The following ADAM12 variants were observed in gnomAD, a reference collection of about 807,000 sequenced individuals.
ADAM12 encodes the protein ADAM metallopeptidase domain 12, also known as disintegrin and metalloproteinase domain-containing protein 12.
Under a neutral mutation model 106.4 loss-of-function variants are expected in ADAM12, and 70 were observed. The observed-to-expected ratio is 0.66, with a 90% CI of 0.54 to 0.80. The LOEUF (loss-of-function observed/expected upper bound fraction) is 0.80, where lower values mean the gene tolerates loss of function less well. Ranked by LOEUF, ADAM12 falls within the 30% of genes least tolerant of loss-of-function variation. ADAM12 has a pLI of 0.00. For synonymous variants in ADAM12, 420 were observed against 433.5 expected (o/e 0.97, Z 0.39); for missense variants, 1,010 against 1,171.9 (o/e 0.86, Z 2.02).
At position 126,274,025 on chromosome 10, in the gene ADAM12, T is replaced by C. The variant is rs1005714075; in HGVS notation, c.260+4890A>G. 1.2e-4 allele frequency among the ~76,000 whole-genome samples: 19 copies of C among 152,150 alleles called. 1 individual carries two copies. The highest frequency in any genetic ancestry group is 3.9e-4 in the Admixed American group (6 of 15,280). ...GTTCCTTTCTGGAAGGTTTTCTCCT[T>C]GAATTGTTTCTCACCCCACCCAAGT... On this transcript the variant is annotated intron_variant, in intron 3 of 22. Coordinates refer to ENST00000448723, the MANE Select transcript of ADAM12 (RefSeq NM_001288973.2).
At chr10:126,306,841 G>C (rs1012091438) in intron 2 of ADAM12, among the ~76,000 whole-genome samples, 3 of 152,122 alleles carry the variant, frequency 2.0e-5, no homozygotes, top group African/African-American at 7.2e-5. Flanking sequence ...CTCAGATGAA[G>C]TTTTCTTTGC....
At chr10:126,118,862 A>G (rs1278395) in intron 5 of ADAM12, among the ~76,000 whole-genome samples, 101,176 of 151,990 alleles carry the variant, frequency 0.67, 34,552 homozygotes, top group African/African-American at 0.83. Context: ...AAAATGCCAT[A>G]TTTGTTTTTC....
At chr10:126,045,311 G>A (rs986011772) in intron 17 of ADAM12, among the ~76,000 whole-genome samples, 1 of 152,182 alleles carries the variant, frequency 6.6e-6, no homozygotes, top group Non-Finnish European at 1.5e-5. Flanking sequence ...ACCCCCATCT[G>A]AGGTGACACT....
chr10:126,289,636 A>G (rs1411227949), intron 2 of ADAM12, among the ~76,000 whole-genome samples: 1 of 152,216 alleles, frequency 6.6e-6, no homozygotes, highest in African/African-American at 2.4e-5. Flanking sequence ...TTGAAAGTTT[A>G]TGGAGATGCA....
In ADAM12 at chr10:126,064,865, T is replaced by C. The variant is rs1246333005; in HGVS notation, c.1550A>G (p.Tyr517Cys). ...AGTCTGGCAGATGCCATTGTAGCAG[T>C]AGCCGTCCACATCCTGACATGAGTG... ...DGHSCQDVDG[Y>C]CYNGICQTHE... The change falls in exon 14 of 23, where the codon TAC becomes TGC. Residue 517 changes from tyrosine to cysteine, a missense_variant. By Grantham distance (194) the Tyr-to-Cys change is radical. Transcript: ENST00000448723. The surrounding 1 kb of genome is among the most constrained non-coding windows in gnomAD (Gnocchi z 4.4). 6.2e-7 allele frequency: 1 copy of C among 1,612,532 alleles called. No individual in the cohort carries two copies.
At chr10:126,173,530 C>T (rs10901546) in intron 3 of ADAM12, among the ~76,000 whole-genome samples, 20,764 of 152,170 alleles carry the variant, frequency 0.14, 1,609 homozygotes, top group East Asian at 0.34. Context: ...TCCCCAGACA[C>T]AGCCAACTGT....
intron 3 of ADAM12, among the ~76,000 whole-genome samples, chr10:126,201,154 G>A (rs999013092): frequency 6.6e-6 from 1 of 152,190 alleles, no homozygotes; most frequent in Non-Finnish European, 1.5e-5. Flanking sequence ...CATGATGTGT[G>A]CCGTGGGTTG....
At chr10:126,339,115 A>C (rs1022354300) in intron 1 of ADAM12, among the ~76,000 whole-genome samples, 4 of 152,080 alleles carry the variant, frequency 2.6e-5, no homozygotes, top group African/African-American at 7.2e-5. Flanking sequence ...ACATTCCCCA[A>C]GTCTCAGCTC....
chr10:126,042,698 C>A (rs1011581488), intron 18 of ADAM12, among the ~76,000 whole-genome samples: 7 of 152,218 alleles, frequency 4.6e-5, no homozygotes, highest in Non-Finnish European at 8.8e-5. Flanking sequence ...CACCCTACCA[C>A]ACAGATGTCG....
In ADAM12 at chr10:126,019,697, G is replaced by A; in HGVS notation, c.2658C>T (p.Leu886=). 6.2e-7 allele frequency: 1 copy of A among 1,613,574 alleles called. No homozygotes were observed. The highest frequency in any genetic ancestry group is 8.5e-7 in the Non-Finnish European group (1 of 1,179,656). Residue 886 remains leucine, a splice_region_variant and synonymous_variant, in exon 22 of 23, where the codon CTC becomes CTT. Coordinates refer to ENST00000448723, the MANE Select transcript of ADAM12 (RefSeq NM_001288973.2). Reference sequence around the variant, plus strand: ...TGGGCATGGCATGTCACACAAACCTGAGGGGTGCCAGGCGGAGCCCAGTCT... The same window carrying A: ...TGGGCATGGCATGTCACACAAACCTAAGGGGTGCCAGGCGGAGCCCAGTCT... ...QWETGLRLAP[L]RPAPQYPHQV...
intron 5 of ADAM12, among the ~76,000 whole-genome samples, chr10:126,121,167 A>ATATAC (rs1565074151): frequency 0.015 from 1,285 of 83,764 alleles, 53 homozygotes; most frequent in African/African-American, 0.061. Context: ...TATATATACT[A>ATATAC]TATATACTAT....
intron 1 of ADAM12, among the ~76,000 whole-genome samples, chr10:126,377,235 T>G (rs1856324961): frequency 6.6e-6 from 1 of 152,120 alleles, no homozygotes; most frequent in South Asian, 2.1e-4. Context: ...TAGTCAGGGT[T>G]CTCTAGAGGG....
chr10:126,116,505 T>C (rs1406136167), intron 6 of ADAM12, among the ~76,000 whole-genome samples: 1 of 151,646 alleles, frequency 6.6e-6, no homozygotes, highest in East Asian at 1.9e-4. Flanking sequence ...CTTGAGCTTG[T>C]AAGGGTAGAG....
At chr10:126,334,062 A>C (rs1854611312) in intron 1 of ADAM12, among the ~76,000 whole-genome samples, 1 of 152,166 alleles carries the variant, frequency 6.6e-6, no homozygotes. Context: ...TTTCTTATGT[A>C]TTTATACACT....
intron 3 of ADAM12, among the ~76,000 whole-genome samples, chr10:126,159,648 G>C (rs745376829): frequency 1.3e-5 from 2 of 152,146 alleles, no homozygotes; most frequent in Admixed American, 6.5e-5. Context: ...GTCATTTTAC[G>C]TATGAGGGAG....
chr10:126,301,008 C>A (rs1447353152), intron 2 of ADAM12, among the ~76,000 whole-genome samples: 4 of 152,118 alleles, frequency 2.6e-5, no homozygotes, highest in South Asian at 2.1e-4. Flanking sequence ...CAACTTGGGG[C>A]GATTTTGCCC....
chr10:126,222,559 G>A (rs541908879), intron 3 of ADAM12, among the ~76,000 whole-genome samples: 1 of 151,256 alleles, frequency 6.6e-6, no homozygotes, highest in East Asian at 1.9e-4. Flanking sequence ...CCCCAGAACC[G>A]AGCACGCCAG....
intron 3 of ADAM12, among the ~76,000 whole-genome samples, chr10:126,240,447 C>G (rs535933853): frequency 6.6e-5 from 10 of 152,206 alleles, no homozygotes; most frequent in African/African-American, 2.4e-4. Flanking sequence ...GTGGAGGAGA[C>G]CTACATAAAA....
intron 21 of ADAM12, among the ~76,000 whole-genome samples, chr10:126,026,880 CA>C (rs1202903424): frequency 2.6e-5 from 4 of 152,082 alleles, no homozygotes; most frequent in African/African-American, 9.7e-5. Context: ...GAAACAAGAG[CA>C]AACCCCAAAG....
Sources: allele counts gnomAD v4.1 joint callset (sites outside exome capture counted in the v4.1 genomes callset), GRCh38; gene constraint gnomAD v4.1.1; non-coding constraint Gnocchi (gnomAD v3.1); transcripts MANE v1.5; gene names NCBI Gene and HGNC (gene_info 2026-07-23, HGNC 2026-07-21).